The following USP26 variants were observed in gnomAD, a reference collection of about 807,000 sequenced individuals.
USP26 encodes the protein ubiquitin carboxyl-terminal hydrolase 26.
For synonymous variants in USP26, 236 were observed against 240.6 expected, an observed-to-expected ratio of 0.98 and a Z score of 0.18; for missense variants, 649 against 642.3, an observed-to-expected ratio of 1.01 and a Z score of -0.11.
At chrX:133,056,364 A>G (rs1021872166) in intron 5 of USP26, among the ~76,000 whole-genome samples, 3 of 110,726 alleles carry the variant, frequency 2.7e-5, no homozygotes, top group African/African-American at 9.9e-5. Flanking sequence ...CCTTCTTCCT[A>G]TCTGTGGACC....
At chrX:133,033,473 G>T (rs1289526232) in intron 5 of USP26, among the ~76,000 whole-genome samples, 2 of 112,176 alleles carry the variant, frequency 1.8e-5, no homozygotes, top group East Asian at 5.6e-4. Context: ...CTTTCTGAGG[G>T]ACAGATTTGG....
intron 5 of USP26, among the ~76,000 whole-genome samples, chrX:133,032,169 CCCAACCAACCAA>C (rs761445674): frequency 2.7e-5 from 3 of 109,755 alleles, no homozygotes; most frequent in South Asian, 7.9e-4. Context: ...AAGAAAAAAA[CCCAACCAACCAA>C]CCAACCAACC....
intron 5 of USP26, among the ~76,000 whole-genome samples, chrX:133,072,344 C>G (rs1218013472): frequency 8.9e-6 from 1 of 111,985 alleles, no homozygotes; most frequent in African/African-American, 3.2e-5. Context: ...GAAAATGCAC[C>G]AGATGAGGAA....
At chrX:133,085,227 G>T (rs1407910617) in intron 4 of USP26, among the ~76,000 whole-genome samples, 3 of 112,205 alleles carry the variant, frequency 2.7e-5, no homozygotes, top group Admixed American at 9.5e-5. Context: ...GAGCCACTGC[G>T]CCTGGCCCAT....
intron 5 of USP26, 63 bp from the exon 6 acceptor site, chrX:133,028,359 G>T: frequency 1.3e-6 from 1 of 761,907 alleles, no homozygotes; most frequent in Non-Finnish European, 1.9e-6. Flanking sequence ...CCTATTTCTA[G>T]TATTGGTTTT....
intron 5 of USP26, among the ~76,000 whole-genome samples, chrX:133,037,598 T>C (rs1290537294): frequency 2.7e-5 from 3 of 112,320 alleles, no homozygotes; most frequent in Non-Finnish European, 5.6e-5. Context: ...TAGTTTGAAC[T>C]CAGGTAGCAT....
chrX:133,034,971 T>A lies in USP26; in HGVS notation c.-76-6675A>T, dbSNP rs1170592995. Among the ~76,000 whole-genome samples, 3 of 111,722 alleles carry A rather than the reference T, an allele frequency of 2.7e-5. No individual in the cohort carries two copies. In the South Asian group the frequency reaches 1.1e-3, roughly 42 times the overall value. ...GGGAAGGGGTAGTAAAATTGGAAAA[T>A]CATTTACAAAAGATTTCAGACTGCA... is the stretch of plus-strand genomic sequence containing the variant. On this transcript the variant is annotated intron_variant, in intron 5 of 5. Transcript: ENST00000511190.
At chrX:133,063,083 C>T (rs141948967) in intron 5 of USP26, among the ~76,000 whole-genome samples, 464 of 110,841 alleles carry the variant, frequency 4.2e-3, no homozygotes, top group African/African-American at 0.015. Context: ...GTGAAGCATA[C>T]ACAAGTATCA....
chrX:133,067,027 A>T (rs1232043815), intron 5 of USP26, among the ~76,000 whole-genome samples: 4 of 112,382 alleles, frequency 3.6e-5, no homozygotes, highest in Non-Finnish European at 1.9e-5. Flanking sequence ...CACATTTACA[A>T]GAAAAAAGCA....
rs759687827 is a variant in USP26, at chrX:133,025,607, C to T, written c.2614G>A (p.Glu872Lys). The stretch of plus-strand genomic sequence containing the variant: ...ATGTACCCAGTGCAACGCCTATCCT[C>T]CTGCATCTGGGCCTCCTGGATACCT... ...VLGIQEAQMQ[E>K]DRRCTGYIFF... is the part of the protein sequence containing the mutation. Residue 872 changes from glutamate to lysine, a missense_variant, in exon 6 of 6, where the codon GAG (glutamate) becomes AAG (lysine). By Grantham distance (56) the Glu-to-Lys change is moderately conservative (BLOSUM62 1). Coordinates refer to ENST00000511190, the MANE Select transcript of USP26 (RefSeq NM_031907.3). The T allele has an allele frequency of 2.6e-5, 32 of 1,209,399 alleles. No homozygotes were observed. The highest frequency in any genetic ancestry group is 3.1e-5 in the Non-Finnish European group (28 of 895,092).
intron 5 of USP26, among the ~76,000 whole-genome samples, chrX:133,083,312 TGA>T (rs1352796251): frequency 2.7e-5 from 3 of 112,129 alleles, no homozygotes; most frequent in Non-Finnish European, 5.6e-5. Flanking sequence ...TGGCCAAAAA[TGA>T]GAGAGGCTGA....
At chrX:133,095,093 C>CAAAAAAAAAAAAAAAAAA (rs35394795) in intron 1 of USP26, among the ~76,000 whole-genome samples, 3 of 51,194 alleles carry the variant, frequency 5.9e-5, no homozygotes, top group Admixed American at 2.6e-4. Flanking sequence ...AGACTCTTGT[C>CAAAAAAAAAAAAAAAAAA]AAAAAAAAAA....
chrX:133,063,261 C>T (rs1229571390), intron 5 of USP26, among the ~76,000 whole-genome samples: 1 of 111,121 alleles, frequency 9.0e-6, no homozygotes, highest in Non-Finnish European at 1.9e-5. Context: ...GATTGGGGTA[C>T]CTGAAAGTGA....
chrX:133,086,682 C>T (rs775911964), intron 4 of USP26, among the ~76,000 whole-genome samples: 5 of 110,033 alleles, frequency 4.5e-5, no homozygotes, highest in Admixed American at 1.9e-4. Flanking sequence ...GAGGCCAAGG[C>T]GGGCGGATCA....
intron 5 of USP26, chrX:133,045,743 G>A (rs747746572): frequency 8.9e-6 from 1 of 112,010 alleles, no homozygotes; most frequent in Admixed American, 9.4e-5. Flanking sequence ...ACATCAGCAG[G>A]AACAAAATCC....
chrX:133,032,140 C>T (rs887466562), intron 5 of USP26, among the ~76,000 whole-genome samples: 1 of 110,928 alleles, frequency 9.0e-6, no homozygotes, highest in African/African-American at 3.3e-5. Context: ...CAGAGCGAAA[C>T]TCTGTCTCAA....
intron 5 of USP26, among the ~76,000 whole-genome samples, chrX:133,054,230 C>T (rs1317993446): frequency 9.0e-6 from 1 of 111,634 alleles, no homozygotes; most frequent in Non-Finnish European, 1.9e-5. Context: ...CTCTAGACAG[C>T]ATTTAATTCT....
Position 133,025,530 on chromosome X carries a change from C to G in USP26, c.2691G>C (p.Glu897Asp), listed in dbSNP as rs779820737. The G allele has an allele frequency of 8.3e-7, 1 of 1,209,398 alleles. No homozygotes were observed. The highest frequency in any genetic ancestry group is 2.2e-5 in the Admixed American group (1 of 45,604). ...CCTCCTTGCTATTAAGCTGGGCATTCTCTTCTCTTTTCAACATCTCTTCAA... is the reference window on the plus strand; with the variant it reads ...CCTCCTTGCTATTAAGCTGGGCATTGTCTTCTCTTTTCAACATCTCTTCAA... ...EIFEEMLKREENAQLNSKEVE... is the reference protein window; with the variant it reads ...EIFEEMLKREDNAQLNSKEVE... Residue 897 changes from glutamate (E) to aspartate (D), a missense_variant, in exon 6 of 6, where the codon GAG becomes GAC. Physicochemically the swap from Glu to Asp is conservative, Grantham distance 45. Coordinates refer to ENST00000511190, the MANE Select transcript of USP26 (RefSeq NM_031907.3).
intron 5 of USP26, among the ~76,000 whole-genome samples, chrX:133,045,583 C>T (rs1281127463): frequency 8.9e-6 from 1 of 111,789 alleles, no homozygotes; most frequent in Non-Finnish European, 1.9e-5. Flanking sequence ...CTCCTGAAGC[C>T]ATCAAGACCA....
Sources: allele counts gnomAD v4.1 joint callset (sites outside exome capture counted in the v4.1 genomes callset), GRCh38; gene constraint gnomAD v4.1.1; transcripts MANE v1.5; gene names NCBI Gene and HGNC (gene_info 2026-07-23, HGNC 2026-07-21).